Variants in KLHL8 observed in about 807,000 individuals in gnomAD.
KLHL8 encodes the protein kelch-like protein 8.
A neutral mutation model predicts 63.5 loss-of-function variants in KLHL8; 38 were observed. The ratio of observed to expected loss-of-function variants is 0.60; its 90% CI spans 0.46 to 0.78. The LOEUF (loss-of-function observed/expected upper bound fraction) is 0.78. Among genes scored for constraint, KLHL8 ranks in the 30% least tolerant of loss-of-function variants. The pLI, the probability that KLHL8 is intolerant of heterozygous loss-of-function variation, is 0.00. For synonymous variants in KLHL8, 224 were observed against 254.3 expected, an observed-to-expected ratio of 0.88 and a Z score of 1.13; for missense variants, 566 against 752.4, an observed-to-expected ratio of 0.75 and a Z score of 2.90.
chr4:87,198,878 T>G (rs1289336216), intron 1 of KLHL8, among the ~76,000 whole-genome samples: 1 of 152,246 alleles, frequency 6.6e-6, no homozygotes, highest in African/African-American at 2.4e-5. Context: ...AGAAGCAGCC[T>G]AAATGTCCTT....
chr4:87,181,019 G>A (rs541699107), intron 4 of KLHL8, among the ~76,000 whole-genome samples: 1 of 152,158 alleles, frequency 6.6e-6, no homozygotes, highest in Non-Finnish European at 1.5e-5. Flanking sequence ...CTGGATGACA[G>A]AGCAAGATCC....
chr4:87,214,800 GGTTTT>G (rs1296990998), intron 1 of KLHL8, among the ~76,000 whole-genome samples: 2 of 148,448 alleles, frequency 1.3e-5, no homozygotes, highest in Admixed American at 1.4e-4. Flanking sequence ...GTTTTTTTTT[GGTTTT>G]GTTTTTTCTT....
rs565689535 is a variant in KLHL8, at chr4:87,204,615, T to C, written c.-151-8925A>G. ...ACAAACTGTGGGTACACCCATACAATAGAACACTACCTCACAATAAAAAGG... is the reference window on the plus strand; with the variant it reads ...ACAAACTGTGGGTACACCCATACAACAGAACACTACCTCACAATAAAAAGG... On this transcript the variant is annotated intron_variant, in intron 1 of 9. Coordinates refer to ENST00000273963, the MANE Select transcript of KLHL8 (RefSeq NM_020803.5). Among the ~76,000 whole-genome samples the C allele has an allele frequency of 7.9e-5, 12 of 152,302 alleles. No homozygotes were observed. In the South Asian group the frequency reaches 1.7e-3, roughly 21 times the overall value.
chr4:87,231,850 G>C (rs566083114), intron 1 of KLHL8, among the ~76,000 whole-genome samples: 1 of 152,074 alleles, frequency 6.6e-6, no homozygotes, highest in South Asian at 2.1e-4. Flanking sequence ...TGCCTGCCTC[G>C]GCCTCCCAAA....
rs1730132852 is a variant in KLHL8, at chr4:87,160,886, A to G, written c.*2633T>C. The G allele has an allele frequency of 6.6e-6, 1 of 152,212 alleles. No homozygotes were observed. Among genetic ancestry groups the G allele is most frequent in the South Asian group, 2.1e-4 (1 of 4,834 alleles). 9.4% of individuals were successfully genotyped at this position (152,212 alleles called of 1,614,324 possible). ...AAAGTGGTAAGTCTCACAATAAAGT[A>G]GCCATCTTCTTTGAATATTTCATCT... On this transcript the variant is annotated 3_prime_UTR_variant, in exon 10 of 10. Transcript: ENST00000273963.
chr4:87,201,441 G>T (rs183996429), intron 1 of KLHL8, among the ~76,000 whole-genome samples: 1 of 152,122 alleles, frequency 6.6e-6, no homozygotes, highest in Non-Finnish European at 1.5e-5. Flanking sequence ...AATTATAATT[G>T]AAGAGATTTA....
chr4:87,190,817 T>G (rs1049717435), intron 2 of KLHL8, among the ~76,000 whole-genome samples: 16 of 152,190 alleles, frequency 1.1e-4, no homozygotes, highest in Admixed American at 5.2e-4. Context: ...AGTTCACTGA[T>G]GCCAACTCTT....
chr4:87,202,423 T>G (rs1287281464), intron 1 of KLHL8, among the ~76,000 whole-genome samples: 1 of 152,116 alleles, frequency 6.6e-6, no homozygotes, highest in Non-Finnish European at 1.5e-5. Flanking sequence ...CCTGGCCTGT[T>G]GATCAACAGA....
chr4:87,190,912 T>C (rs1731459507), intron 2 of KLHL8, among the ~76,000 whole-genome samples: 1 of 152,260 alleles, frequency 6.6e-6, no homozygotes, highest in African/African-American at 2.4e-5. Context: ...AATACAATTT[T>C]AATGAGGTAC....
rs147571162 is a variant in KLHL8 at position 87,187,314 on chromosome 4, G to A, written c.217-1515C>T. 9.7e-4 allele frequency among the ~76,000 whole-genome samples: 147 copies of A among 151,762 alleles called. 3 individuals carry two copies. In the East Asian group the frequency reaches 0.022, roughly 23 times the overall value. On this transcript the variant is annotated intron_variant, in intron 2 of 9. Transcript: ENST00000273963. Reference sequence around the variant, plus strand: ...AAGCTCATGCAATCCTCCCGCCTCGGCCTCCAAAAGTGCTAAGATTATAGG... The same window carrying A: ...AAGCTCATGCAATCCTCCCGCCTCGACCTCCAAAAGTGCTAAGATTATAGG...
intron 1 of KLHL8, among the ~76,000 whole-genome samples, chr4:87,203,662 T>C (rs1466775918): frequency 6.7e-6 from 1 of 149,246 alleles, no homozygotes; most frequent in East Asian, 1.9e-4. Context: ...TTATATAATA[T>C]ATAAAATATA....
At position 87,179,841 on chromosome 4, in the gene KLHL8, T is replaced by TA. The variant is rs1253746575; in HGVS notation, c.953-1222dup. 4.0e-3 allele frequency among the ~76,000 whole-genome samples: 585 copies of TA among 146,090 alleles called. 5 individuals are homozygous for TA. Among genetic ancestry groups the TA allele is most frequent in the African/African-American group, 0.011 (420 of 39,990 alleles). On this transcript the variant is annotated intron_variant, in intron 4 of 9. Transcript: ENST00000273963. ...TTTGTTATATATATTTTACCACAAT[T>TA]AAAAAAAAAAACAGTGTAGTGTAAT...
At chr4:87,231,303 G>C (rs144262990) in intron 1 of KLHL8, among the ~76,000 whole-genome samples, 283 of 152,098 alleles carry the variant, frequency 1.9e-3, no homozygotes, top group African/African-American at 6.6e-3. Context: ...TCTCCTGCCA[G>C]TGCCTTTTGG....
intron 2 of KLHL8, among the ~76,000 whole-genome samples, chr4:87,186,576 C>T (rs1458638972): frequency 6.6e-6 from 1 of 151,054 alleles, no homozygotes; most frequent in East Asian, 2.0e-4. Context: ...ACCTGCTGGG[C>T]TCGAGCAATC....
At chr4:87,222,208 C>T (rs1192972959), upstream of KLHL8, among the ~76,000 whole-genome samples, 1 of 152,210 alleles carries the variant, frequency 6.6e-6, no homozygotes, top group African/African-American at 2.4e-5. Flanking sequence ...AGTCTGTCAA[C>T]ACTCTTGGAC....
intron 3 of KLHL8, 101 bp downstream of exon 3, chr4:87,185,150 T>C: frequency 4.4e-6 from 5 of 1,146,562 alleles, no homozygotes; most frequent in Admixed American, 4.7e-5. Flanking sequence ...CAATAATTTC[T>C]ATATTCCTTG....
intron 4 of KLHL8, among the ~76,000 whole-genome samples, 199 bp downstream of exon 4, chr4:87,183,004 C>G (rs1042680299): frequency 6.6e-6 from 1 of 152,054 alleles, no homozygotes; most frequent in African/African-American, 2.4e-5. Context: ...GGACTGATTA[C>G]GGCTTTTTAA....
chr4:87,223,157 G>A (rs1732915908), upstream of KLHL8, among the ~76,000 whole-genome samples: 1 of 58,508 alleles, frequency 1.7e-5, no homozygotes, highest in Admixed American at 2.1e-4. Flanking sequence ...TTGTTTTGTA[G>A]AGATGGGGTT....
chr4:87,219,140 T>A (rs1411570009), intron 1 of KLHL8, among the ~76,000 whole-genome samples: 2 of 152,192 alleles, frequency 1.3e-5, no homozygotes, highest in African/African-American at 2.4e-5. Flanking sequence ...AAGTTTGAAG[T>A]TTGAACTGGG....
Sources: allele counts gnomAD v4.1 joint callset (sites outside exome capture counted in the v4.1 genomes callset), GRCh38; gene constraint gnomAD v4.1.1; transcripts MANE v1.5; gene names NCBI Gene and HGNC (gene_info 2026-07-23, HGNC 2026-07-21).